Variants in MAP7 observed in about 807,000 individuals in gnomAD.
The protein encoded by MAP7 is ensconsin.
A neutral mutation model predicts 94.8 loss-of-function variants in MAP7; 52 were observed. The ratio of observed to expected loss-of-function variants is 0.55; its 90% CI spans 0.44 to 0.69. The LOEUF is 0.69. Ranked by LOEUF, MAP7 falls within the 30% of genes least tolerant of loss-of-function variation. The pLI, the probability that MAP7 is intolerant of heterozygous loss-of-function variation, is 0.00. For synonymous variants in MAP7, 350 were observed against 357.0 expected, an observed-to-expected ratio of 0.98 and a Z score of 0.22; for missense variants, 940 against 964.6, an observed-to-expected ratio of 0.97 and a Z score of 0.34.
chr6:136,470,924 T>G (rs1396549553), intron 1 of MAP7, among the ~76,000 whole-genome samples: 1 of 152,182 alleles, frequency 6.6e-6, no homozygotes, highest in Non-Finnish European at 1.5e-5. Flanking sequence ...TTTCACATAT[T>G]TTACACTAGA....
intron 3 of MAP7, among the ~76,000 whole-genome samples, chr6:136,395,199 T>A (rs1782086981): frequency 6.6e-6 from 1 of 151,508 alleles, no homozygotes; most frequent in Admixed American, 6.6e-5. Context: ...TGTACTGGTG[T>A]TCCCCTTTCT....
chr6:136,348,565 C>T (rs1788304601), intron 16 of MAP7, among the ~76,000 whole-genome samples: 2 of 152,116 alleles, frequency 1.3e-5, no homozygotes, highest in South Asian at 4.1e-4. Flanking sequence ...TTTTGAAGAC[C>T]GCACGCTTTG....
chr6:136,478,841 T>G (rs991123937), intron 1 of MAP7, among the ~76,000 whole-genome samples: 2 of 151,566 alleles, frequency 1.3e-5, no homozygotes, highest in African/African-American at 4.8e-5. Context: ...CTCCATGGCT[T>G]TACTGCTGAA....
intron 1 of MAP7, among the ~76,000 whole-genome samples, chr6:136,482,578 G>A (rs1813206916): frequency 6.7e-6 from 1 of 149,994 alleles, no homozygotes; most frequent in African/African-American, 2.5e-5. Context: ...TCTAGCCTGG[G>A]CAACAGAGGG....
At chr6:136,439,434 A>G (rs1255980098) in intron 1 of MAP7, among the ~76,000 whole-genome samples, 1 of 152,170 alleles carries the variant, frequency 6.6e-6, no homozygotes, top group Admixed American at 6.5e-5. Context: ...TCAAGAAAAT[A>G]AAGTTATGTT....
In MAP7 at chr6:136,361,064, G is replaced by T. The variant is rs537189843; in HGVS notation, c.1642C>A (p.Arg548=). ...QAREKEEQLQ[R]QAEERALRER... ...CGCAGCGCCCGCTCCTCCGCCTGCCGCTGCAGCTGCTCCTCCTTCTCCCGG... is the reference window on the plus strand; with the variant it reads ...CGCAGCGCCCGCTCCTCCGCCTGCCTCTGCAGCTGCTCCTCCTTCTCCCGG... The change falls in exon 12 of 18, where the codon CGG becomes AGG. Residue 548 remains arginine (R), a synonymous_variant. Transcript: ENST00000354570. 31 of 1,598,944 alleles carry T rather than the reference G, an allele frequency of 1.9e-5. No homozygotes were observed. In the African/African-American group the frequency reaches 3.5e-4, roughly 18 times the overall value.
intron 1 of MAP7, among the ~76,000 whole-genome samples, chr6:136,519,327 G>T (rs182832355): frequency 6.6e-6 from 1 of 152,170 alleles, no homozygotes; most frequent in East Asian, 1.9e-4. Flanking sequence ...TGCCTCCCTA[G>T]CTGTTAAATT....
In MAP7 at chr6:136,541,231, C is replaced by G. The variant is rs554113743; in HGVS notation, c.67+9111G>C. Among the ~76,000 whole-genome samples the G allele has an allele frequency of 7.2e-5, 11 of 152,268 alleles. No individual in the cohort carries two copies. In the East Asian group the frequency reaches 1.5e-3, roughly 21 times the overall value. ...ACACATCTTACAGCCAATTATTATG[C>G]ATGTTATTGCCACCAAGTAGGCTTC... is the stretch of plus-strand genomic sequence containing the variant. On this transcript the variant is annotated intron_variant, in intron 1 of 17. Transcript: ENST00000354570.
At chr6:136,379,098 C>G (rs2128626594) in intron 6 of MAP7, among the ~76,000 whole-genome samples, 1 of 152,314 alleles carries the variant, frequency 6.6e-6, no homozygotes, top group African/African-American at 2.4e-5. Context: ...GTGGCAAAGT[C>G]TCCTTTGCCT....
chr6:136,473,641 A>T (rs1450706092), intron 1 of MAP7, among the ~76,000 whole-genome samples: 2 of 152,126 alleles, frequency 1.3e-5, no homozygotes, highest in African/African-American at 4.8e-5. Flanking sequence ...CCAAAATTAG[A>T]CTGTTTCCAA....
chr6:136,456,776 A>AGAAGAAGAAGAAGAAGAAGAAGAG, intron 1 of MAP7, among the ~76,000 whole-genome samples: 1 of 67,490 alleles, frequency 1.5e-5, no homozygotes, highest in Non-Finnish European at 3.5e-5. Flanking sequence ...AGGAAGAAGA[A>AGAAGAAGAAGAAGAAGAAGAAGAG]GAAGAAGAAG....
chr6:136,466,988 C>A, intron 1 of MAP7: 1 of 1,147,206 alleles, frequency 8.7e-7, no homozygotes, highest in South Asian at 2.6e-5. Context: ...TGTTTTTAAA[C>A]AGTAACCGTG....
chr6:136,438,761 C>T (rs1797058585), intron 1 of MAP7, among the ~76,000 whole-genome samples: 1 of 152,068 alleles, frequency 6.6e-6, no homozygotes, highest in Non-Finnish European at 1.5e-5. Context: ...TTTCTAGAAC[C>T]AAGACCTTCA....
chr6:136,393,931 C>T (rs927786134), intron 3 of MAP7, among the ~76,000 whole-genome samples: 1 of 150,620 alleles, frequency 6.6e-6, no homozygotes, highest in East Asian at 1.9e-4. Context: ...TGAGCCCCAA[C>T]GCCTGGCCTA....
intron 1 of MAP7, among the ~76,000 whole-genome samples, chr6:136,508,552 GT>G (rs1822278586): frequency 4.6e-5 from 7 of 152,256 alleles, no homozygotes; most frequent in Admixed American, 4.6e-4. Context: ...CCCAAGCTTT[GT>G]GTTGATATAC....
chr6:136,396,292 T>C (rs1782442187), intron 3 of MAP7, among the ~76,000 whole-genome samples: 1 of 152,158 alleles, frequency 6.6e-6, no homozygotes, highest in African/African-American at 2.4e-5. Flanking sequence ...CATTTATTCC[T>C]AAGTATTTTA....
At chr6:136,364,348 CAGA>C (rs1390212345) in intron 10 of MAP7, 1 of 445,444 alleles carries the variant, frequency 2.2e-6, no homozygotes, top group Non-Finnish European at 4.4e-6. Flanking sequence ...CCTGCACCAG[CAGA>C]AGGTCCTGCC....
At chr6:136,497,977 C>A (rs1389304481) in intron 1 of MAP7, among the ~76,000 whole-genome samples, 2 of 151,934 alleles carry the variant, frequency 1.3e-5, no homozygotes, top group Non-Finnish European at 2.9e-5. Context: ...GACCTGACTC[C>A]TGACCACATA....
At chr6:136,407,003 T>C (rs1785823181) in intron 3 of MAP7, among the ~76,000 whole-genome samples, 1 of 152,224 alleles carries the variant, frequency 6.6e-6, no homozygotes, top group African/African-American at 2.4e-5. Context: ...ACCTTGCCAA[T>C]TATGGCACGC....
Sources: gnomAD v4.1 joint callset for allele counts (sites outside exome capture counted in the v4.1 genomes callset) on GRCh38, gnomAD v4.1.1 for gene constraint, MANE v1.5 for transcripts, NCBI Gene and HGNC (gene_info 2026-07-23, HGNC 2026-07-21) for gene names.